STX8: variants seen among roughly 807,000 people sequenced by gnomAD.
The protein encoded by STX8 is syntaxin-8.
A neutral mutation model predicts 37.5 loss-of-function variants in STX8; 23 were observed. The ratio of observed to expected loss-of-function variants is 0.61; its 90% CI spans 0.44 to 0.87. The LOEUF (loss-of-function observed/expected upper bound fraction) is 0.87, where lower values mean the gene tolerates loss of function less well. Among genes scored for constraint, STX8 ranks in the 40% least tolerant of loss-of-function variants. STX8 has a pLI of 0.00. For synonymous variants in STX8, 115 were observed against 99.1 expected, an observed-to-expected ratio of 1.16 and a Z score of -0.95; for missense variants, 313 against 284.7, an observed-to-expected ratio of 1.10 and a Z score of -0.71.
chr17:9,568,109 G>T (rs1907530828), intron 2 of STX8, among the ~76,000 whole-genome samples: 2 of 152,138 alleles, frequency 1.3e-5, no homozygotes, highest in African/African-American at 4.8e-5. Context: ...TTATCTGTAG[G>T]AAGTTTACTA....
chr17:9,537,038 G>A (rs1019387237), intron 4 of STX8, among the ~76,000 whole-genome samples: 1 of 152,114 alleles, frequency 6.6e-6, no homozygotes, highest in Non-Finnish European at 1.5e-5. Flanking sequence ...ATGAGCCACC[G>A]CATCCAGCCA....
chr17:9,376,971 G>A (rs995297753), intron 7 of STX8, among the ~76,000 whole-genome samples: 1 of 152,136 alleles, frequency 6.6e-6, no homozygotes, highest in Non-Finnish European at 1.5e-5. Flanking sequence ...AGCAAAAACT[G>A]AGGACCAGAA....
intron 7 of STX8, among the ~76,000 whole-genome samples, chr17:9,306,466 A>C (rs918722761): frequency 6.6e-6 from 1 of 151,902 alleles, no homozygotes; most frequent in African/African-American, 2.4e-5. Context: ...AAACAAATTA[A>C]GGGCCAGGTA....
chr17:9,285,412 A>AT (rs1199090885), intron 7 of STX8, among the ~76,000 whole-genome samples: 2,729 of 138,012 alleles, frequency 0.02, 102 homozygotes, highest in African/African-American at 0.068. Context: ...CAAAGTAGTG[A>AT]TAAAAAAAAA....
chr17:9,394,958 C>T (rs542514494), intron 6 of STX8, among the ~76,000 whole-genome samples: 46 of 150,148 alleles, frequency 3.1e-4, no homozygotes, highest in African/African-American at 1.1e-3. Flanking sequence ...GCGCCGTAAT[C>T]CCAACTACTC....
chr17:9,344,433 G>A (rs1453647825), intron 7 of STX8, among the ~76,000 whole-genome samples: 1 of 152,016 alleles, frequency 6.6e-6, no homozygotes, highest in Non-Finnish European at 1.5e-5. Context: ...GCTAATTTTT[G>A]TATTTTTAGT....
intron 6 of STX8, among the ~76,000 whole-genome samples, chr17:9,460,774 A>G (rs1364925322): frequency 2.0e-5 from 3 of 152,250 alleles, no homozygotes; most frequent in African/African-American, 4.8e-5. Flanking sequence ...TTAAAAGAAC[A>G]TATTTTGTCA....
chr17:9,428,015 G>T (rs1020545872), intron 6 of STX8, among the ~76,000 whole-genome samples: 1 of 152,086 alleles, frequency 6.6e-6, no homozygotes, highest in African/African-American at 2.4e-5. Flanking sequence ...CTCGTGCTAT[G>T]GACCCAAGGG....
At chr17:9,380,490 G>C (rs922907474) in intron 6 of STX8, among the ~76,000 whole-genome samples, 2 of 150,892 alleles carry the variant, frequency 1.3e-5, no homozygotes, top group African/African-American at 4.9e-5. Flanking sequence ...CTGGCCTCAA[G>C]AGATCCTCTT....
At chr17:9,504,460 CTAAAG>C (rs1242299480) in intron 5 of STX8, among the ~76,000 whole-genome samples, 5 of 151,802 alleles carry the variant, frequency 3.3e-5, no homozygotes, top group African/African-American at 1.2e-4. Flanking sequence ...AGTCGTGAAG[CTAAAG>C]TAAAGAGCAT....
chr17:9,486,984 C>CA (rs1359648471), intron 6 of STX8, among the ~76,000 whole-genome samples: 2 of 152,118 alleles, frequency 1.3e-5, no homozygotes, highest in East Asian at 3.9e-4. Flanking sequence ...GTCATCCACT[C>CA]AGTGTTCCAC....
intron 1 of STX8, 31 bp downstream of exon 1, chr17:9,575,761 C>T (rs190872515): frequency 2.8e-5 from 43 of 1,546,596 alleles, no homozygotes; most frequent in East Asian, 2.7e-4. Context: ...GAAGGTCCCT[C>T]CACGCACCGC....
intron 6 of STX8, among the ~76,000 whole-genome samples, chr17:9,433,839 A>G (rs1206071072): frequency 6.6e-6 from 1 of 152,082 alleles, no homozygotes; most frequent in South Asian, 2.1e-4. Context: ...TGATATTTGA[A>G]CTACGGTTGT....
At chr17:9,460,270 C>T (rs575218577) in intron 6 of STX8, among the ~76,000 whole-genome samples, 127 of 152,304 alleles carry the variant, frequency 8.3e-4, no homozygotes, top group African/African-American at 3.0e-3. Context: ...ACAATCATAT[C>T]ACAATATTTA....
Position 9,422,067 on chromosome 17 carries a change from AC to A in STX8, c.542-43415del, listed in dbSNP as rs925247913. ...GCCTGTGGAACCATGACCCAATCAA[AC>A]CCCTTTTCTTTATAATTTACCCAGT... On this transcript the variant is annotated intron_variant, in intron 6 of 7. Transcript: ENST00000306357. 8.8e-5 allele frequency among the ~76,000 whole-genome samples: 13 copies of A among 148,182 alleles called. 2 individuals carry two copies. The East Asian group carries it at 1.2e-3, about 13-fold the overall frequency.
At chr17:9,296,595 T>C (rs1300850827) in intron 7 of STX8, among the ~76,000 whole-genome samples, 1 of 146,306 alleles carries the variant, frequency 6.8e-6, no homozygotes, top group Admixed American at 6.9e-5. Flanking sequence ...TGTAAATGGC[T>C]GGAAGGAAAA....
At chr17:9,480,383 A>G (rs987345910) in intron 6 of STX8, among the ~76,000 whole-genome samples, 1 of 152,126 alleles carries the variant, frequency 6.6e-6, no homozygotes, top group African/African-American at 2.4e-5. Flanking sequence ...TATTAGGAAA[A>G]GAAAAAGTTT....
At chr17:9,302,617 A>AT (rs1908826565) in intron 7 of STX8, among the ~76,000 whole-genome samples, 2 of 152,136 alleles carry the variant, frequency 1.3e-5, no homozygotes, top group Admixed American at 1.3e-4. Context: ...AGCAGCACAC[A>AT]CTTCATGCTC....
intron 4 of STX8, among the ~76,000 whole-genome samples, chr17:9,518,925 C>T (rs1195256678): frequency 6.6e-6 from 1 of 152,004 alleles, no homozygotes; most frequent in Non-Finnish European, 1.5e-5. Flanking sequence ...CATTCTATGC[C>T]CAGCACATAT....
Sources: gnomAD v4.1 joint callset for allele counts (sites outside exome capture counted in the v4.1 genomes callset) on GRCh38, gnomAD v4.1.1 for gene constraint, MANE v1.5 for transcripts, NCBI Gene and HGNC (gene_info 2026-07-23, HGNC 2026-07-21) for gene names.